The following SSX1 variants were observed in gnomAD, a reference collection of about 807,000 sequenced individuals.
SSX1 encodes protein SSX1.
A neutral mutation model predicts 14.6 loss-of-function variants in SSX1; 58 were observed. The observed-to-expected ratio is 3.96, with a 90% CI of 3.21 to 4.93. The LOEUF is 4.93. Among genes scored for constraint, SSX1 ranks in the 30% most tolerant of loss-of-function variants. The probability of loss-of-function intolerance (pLI) is 0.00; values close to 1 mark genes in which losing one functional copy is unlikely to be tolerated. For synonymous variants in SSX1, 46 were observed against 52.1 expected (o/e 0.88, Z 0.50); for missense variants, 272 against 143.1 (o/e 1.90, Z -4.60).
intron 5 of SSX1, 23 bp from the exon 6 acceptor site, chrX:48,263,759 T>A: frequency 8.3e-7 from 1 of 1,210,282 alleles, no homozygotes; most frequent in Non-Finnish European, 1.1e-6. Flanking sequence ...ATACTGTTTA[T>A]CTGTAACCTT....
Position 48,257,169 on chromosome X carries a change from C to T in SSX1, c.-20-53C>T, listed in dbSNP as rs2059584890. 2.7e-6 allele frequency: 3 copies of T among 1,119,095 alleles called. No individual in the cohort carries two copies. The South Asian group carries it at 5.6e-5, about 21-fold the overall frequency. The allele number at this position is 1,119,095 out of a possible 1,213,427, so 92.2% of individuals were successfully genotyped here. A position where few individuals can be genotyped will look rare whatever the true frequency, so the allele number is the denominator to read the frequency against. On this transcript the variant is annotated intron_variant, in intron 1 of 7. Coordinates refer to ENST00000376919, the MANE Select transcript of SSX1 (RefSeq NM_005635.4). ...GGCCGGGCTTCACTGATTTCTCCCT[C>T]CATAGGACCAAGGGTCCTGTAGCTA...
At position 48,258,549 on chromosome X, in the gene SSX1, C is replaced by T; in HGVS notation, c.198C>T (p.Thr66=). 2 of 1,206,753 alleles carry T rather than the reference C, an allele frequency of 1.7e-6. No individual in the cohort carries two copies. Among genetic ancestry groups the T allele is most frequent in the African/African-American group, 1.7e-5 (1 of 57,349 alleles). The change falls in exon 4 of 8, where the codon ACC becomes ACT. Residue 66 remains threonine (T), a synonymous_variant. Transcript: ENST00000376919. ...GCTTCTTTCTAGGTTTCAAAGTCAC[C>T]CTCCCACCTTTCATGTGTAATAAAC... ...KAMTKLGFKV[T]LPPFMCNKQA...
At chrX:48,261,964 A>C (rs1158366539) in intron 5 of SSX1, 149 bp downstream of exon 5, 32 of 619,323 alleles carry the variant, frequency 5.2e-5, no homozygotes, top group South Asian at 2.7e-4. Flanking sequence ...CGACGGCTTG[A>C]TAATACTAAC....
chrX:48,258,660 T>A (rs2059593146), intron 4 of SSX1, 29 bp downstream of exon 4: 1 of 1,096,448 alleles, frequency 9.1e-7, no homozygotes, highest in Admixed American at 2.2e-5. Flanking sequence ...GCTGGAAAGG[T>A]CTCCTGAAGC....
intron 4 of SSX1, among the ~76,000 whole-genome samples, chrX:48,260,642 A>G (rs1204885973): frequency 9.0e-6 from 1 of 111,685 alleles, no homozygotes; most frequent in Non-Finnish European, 1.9e-5. Flanking sequence ...AATCTCCTTA[A>G]GCTGATAAGC....
Position 48,257,768 on chromosome X carries a change from A to G in SSX1, c.92A>G (p.Tyr31Cys), listed in dbSNP as rs782595003. The G allele has an allele frequency of 5.8e-6, 7 of 1,206,175 alleles. No individual in the cohort carries two copies. Among genetic ancestry groups the G allele is most frequent in the South Asian group, 3.5e-5 (2 of 56,360 alleles). Residue 31 changes from tyrosine to cysteine, a missense_variant, in exon 3 of 8, where the codon TAC (tyrosine) becomes TGC (cysteine). By Grantham distance (194) the Tyr-to-Cys change is radical. Transcript: ENST00000376919. ...RSKAFDDIATYFSKKEWKKMK... is the reference protein window; with the variant it reads ...RSKAFDDIATCFSKKEWKKMK... Reference sequence around the variant, plus strand: ...TAGGCCTTTGATGATATTGCCACATACTTCTCTAAGAAAGAGTGGAAAAAG... The same window carrying G: ...TAGGCCTTTGATGATATTGCCACATGCTTCTCTAAGAAAGAGTGGAAAAAG...
chrX:48,266,364 G>T lies in SSX1; in HGVS notation c.544G>T (p.Asp182Tyr). 2 of 1,210,287 alleles carry T rather than the reference G, an allele frequency of 1.7e-6. No individual in the cohort carries two copies. The highest frequency in any genetic ancestry group is 1.7e-5 in the African/African-American group (1 of 57,796). Residue 182 changes from aspartate (D) to tyrosine (Y), a missense_variant, in exon 7 of 8, where the codon GAC becomes TAC. Physicochemically the swap from Asp to Tyr is radical, Grantham distance 160. Coordinates refer to ENST00000376919, the MANE Select transcript of SSX1 (RefSeq NM_005635.4). ...KQLVIYEEIS[D>Y]PEEDDE ...GCTGGTGATTTATGAAGAGATCAGT[G>T]ACCCTGAGGAAGATGACGAGTAACT...
In SSX1 at chrX:48,263,896, G is replaced by T. The variant is rs2079147943; in HGVS notation, c.445G>T (p.Glu149Ter). 2.5e-6 allele frequency: 3 copies of T among 1,211,195 alleles called. No individual in the cohort carries two copies. The highest frequency in any genetic ancestry group is 3.5e-5 in the South Asian group (2 of 56,847). ...LHPPGKANIS[E>*]KINKRSGPKR... is the part of the protein sequence containing the mutation. ...CCCCCCAGGAAAAGCAAATATTTCT[G>T]AGAAGATTAATAAGAGATCTGGTAA... Residue 149 changes from glutamate (E) to a stop codon, truncating the protein, a stop_gained, in exon 6 of 8, where the codon GAG becomes TAG. Coordinates refer to ENST00000376919, the MANE Select transcript of SSX1 (RefSeq NM_005635.4). LOFTEE classifies it high-confidence loss of function.
chrX:48,267,015 T>C lies in SSX1; in HGVS notation c.*166T>C. ...GTCATTTTTCTTAGTGTGCCAAGAG[T>C]TCGATGTTAGTGTTTCCATTGTATT... On this transcript the variant is annotated 3_prime_UTR_variant, in exon 8 of 8. Coordinates refer to ENST00000376919, the MANE Select transcript of SSX1 (RefSeq NM_005635.4). The C allele has an allele frequency of 1.8e-6, 1 of 561,181 alleles. No individual in the cohort carries two copies. Among genetic ancestry groups the C allele is most frequent in the Non-Finnish European group, 3.0e-6 (1 of 336,739 alleles). 46.2% of individuals were successfully genotyped at this position (561,181 alleles called of 1,213,427 possible).
intron 1 of SSX1, 147 bp from the exon 2 acceptor site, chrX:48,257,075 T>C (rs2059584489): frequency 4.2e-6 from 2 of 479,175 alleles, no homozygotes; most frequent in South Asian, 3.5e-5. Flanking sequence ...CTTCTCTCCA[T>C]GTCCTTACCC....
chrX:48,259,025 T>G (rs1212587431), intron 4 of SSX1, among the ~76,000 whole-genome samples: 4 of 110,762 alleles, frequency 3.6e-5, no homozygotes, highest in Non-Finnish European at 7.6e-5. Context: ...AACTGGAGAT[T>G]TGCTCTTGTC....
At position 48,266,907 on chromosome X, in the gene SSX1, A is replaced by G; in HGVS notation, c.*58A>G. On this transcript the variant is annotated 3_prime_UTR_variant, in exon 8 of 8. Coordinates refer to ENST00000376919, the MANE Select transcript of SSX1 (RefSeq NM_005635.4). Reference sequence around the variant, plus strand: ...GAGAAGCAGAACGTGGTGACCTTTCACGAACATGGGCATGGCTGCGGCTCC... The same window carrying G: ...GAGAAGCAGAACGTGGTGACCTTTCGCGAACATGGGCATGGCTGCGGCTCC... The G allele has an allele frequency of 1.8e-6, 2 of 1,106,210 alleles. No homozygotes were observed. Among genetic ancestry groups the G allele is most frequent in the South Asian group, 3.6e-5 (2 of 55,219 alleles). 91.2% of individuals were successfully genotyped at this position (1,106,210 alleles called of 1,213,427 possible). A position where few individuals can be genotyped will look rare whatever the true frequency, so the allele number is the denominator to read the frequency against.
Position 48,266,727 on chromosome X carries a change from G to C in SSX1, c.*5-127G>C. ...TTCACTTCGAGGAACCATGGAAGGCGTGTCCAGGTCCTGGGGTAGGGCAGA... is the reference window on the plus strand; with the variant it reads ...TTCACTTCGAGGAACCATGGAAGGCCTGTCCAGGTCCTGGGGTAGGGCAGA... On this transcript the variant is annotated intron_variant, in intron 7 of 7. Coordinates refer to ENST00000376919, the MANE Select transcript of SSX1 (RefSeq NM_005635.4). 3 of 523,262 alleles carry C rather than the reference G, an allele frequency of 5.7e-6. No individual in the cohort carries two copies. In the South Asian group the frequency reaches 8.8e-5, roughly 15 times the overall value. The allele number at this position is 523,262 out of a possible 1,213,427, so 43.1% of individuals were successfully genotyped here.
At position 48,257,285 on chromosome X, in the gene SSX1, C is replaced by A; in HGVS notation, c.44C>A (p.Ala15Asp). Residue 15 changes from alanine to aspartate, a missense_variant, in exon 2 of 8, where the codon GCT becomes GAT. Coordinates refer to ENST00000376919, the MANE Select transcript of SSX1 (RefSeq NM_005635.4). ...TTTGCAAAGAGACCCAGGGATGATG[C>A]TAAAGCATCAGAGAAGAGAAGCAAG... ...DTFAKRPRDDAKASEKRSKAF... is the reference protein window; with the variant it reads ...DTFAKRPRDDDKASEKRSKAF... 2 of 1,210,887 alleles carry A rather than the reference C, an allele frequency of 1.7e-6. No homozygotes were observed. Among genetic ancestry groups the A allele is most frequent in the East Asian group, 3.0e-5 (1 of 33,835 alleles).
Position 48,266,381 on chromosome X carries a change from C to G in SSX1, c.561C>G (p.Asp187Glu), listed in dbSNP as rs199717766. Residue 187 changes from aspartate to glutamate, a missense_variant, in exon 7 of 8, where the codon GAC becomes GAG. Physicochemically the swap from Asp to Glu is conservative, Grantham distance 45. Coordinates refer to ENST00000376919, the MANE Select transcript of SSX1 (RefSeq NM_005635.4). Reference protein sequence around the residue: ...YEEISDPEEDDE With the variant: ...YEEISDPEEDEE ...AGATCAGTGACCCTGAGGAAGATGA[C>G]GAGTAACTCCGTAAGTGAACCTTCG... The G allele has an allele frequency of 5.0e-6, 6 of 1,208,376 alleles. No homozygotes were observed. Among genetic ancestry groups the G allele is most frequent in the Admixed American group, 2.2e-5 (1 of 45,767 alleles).
chrX:48,265,369 G>A (rs781987510), intron 6 of SSX1, among the ~76,000 whole-genome samples: 2 of 111,695 alleles, frequency 1.8e-5, no homozygotes, highest in East Asian at 2.8e-4. Flanking sequence ...GAGAGAATGC[G>A]ACTCTTCCTT....
intron 3 of SSX1, among the ~76,000 whole-genome samples, chrX:48,258,185 CTTTTTTTTTTT>C (rs1201912440): frequency 1.4e-5 from 1 of 72,936 alleles, no homozygotes; most frequent in East Asian, 4.6e-4. Context: ...CTCTCTCTCC[CTTTTTTTTTTT>C]TTTTTTTTTT....
rs1556936448 is a variant in SSX1, at chrX:48,266,343, G to A, written c.523G>A (p.Val175Met). The A allele has an allele frequency of 8.3e-7, 1 of 1,210,244 alleles. No individual in the cohort carries two copies. Among genetic ancestry groups the A allele is most frequent in the Non-Finnish European group, 1.1e-6 (1 of 895,383 alleles). ...CAGACTGCGTGAGAGAAAGCAGCTG[G>A]TGATTTATGAAGAGATCAGTGACCC... Reference protein sequence around the residue: ...THRLRERKQLVIYEEISDPEE... With the variant: ...THRLRERKQLMIYEEISDPEE... The change falls in exon 7 of 8, where the codon GTG becomes ATG. Residue 175 changes from valine (V) to methionine (M), a missense_variant. Physicochemically the swap from Val to Met is conservative, Grantham distance 21 (BLOSUM62 1). Transcript: ENST00000376919.
At chrX:48,262,532 C>G (rs2059607866) in intron 5 of SSX1, among the ~76,000 whole-genome samples, 1 of 111,227 alleles carries the variant, frequency 9.0e-6, no homozygotes, top group Non-Finnish European at 1.9e-5. Flanking sequence ...ACTGTTGGCC[C>G]CTCCTTGAGC....
Sources: gnomAD v4.1 joint callset for allele counts (sites outside exome capture counted in the v4.1 genomes callset) on GRCh38, gnomAD v4.1.1 for gene constraint, MANE v1.5 for transcripts, NCBI Gene and HGNC (gene_info 2026-07-23, HGNC 2026-07-21) for gene names.